FHIT: variants seen among roughly 807,000 people sequenced by gnomAD.
FHIT encodes the protein bis(5'-adenosyl)-triphosphatase.
FHIT carries 19 observed loss-of-function variants against 17.9 expected under a neutral mutation model. That is an observed-to-expected ratio of 1.06 (90% CI 0.74 to 1.56). FHIT has a LOEUF of 1.56. Among genes scored for constraint, FHIT ranks in the 40% most tolerant of loss-of-function variants. The pLI is 0.00. For synonymous variants in FHIT, 81 were observed against 69.7 expected (o/e 1.16, Z -0.81); for missense variants, 248 against 189.2 (o/e 1.31, Z -1.82).
intron 5 of FHIT, among the ~76,000 whole-genome samples, chr3:60,413,929 G>T (rs1173412217): frequency 6.6e-6 from 1 of 152,148 alleles, no homozygotes; most frequent in Non-Finnish European, 1.5e-5. Flanking sequence ...AATAGTTATG[G>T]TTTTAGCAAT....
chr3:60,370,450 A>G (rs909531191), intron 5 of FHIT, among the ~76,000 whole-genome samples: 1 of 152,174 alleles, frequency 6.6e-6, no homozygotes, highest in African/African-American at 2.4e-5. Flanking sequence ...TGCCCGTGTC[A>G]ACATTTCAAG....
rs1318400040 is a variant in FHIT at position 60,838,178 on chromosome 3, C to A, written c.-110-16167G>T. Among the ~76,000 whole-genome samples, 3 of 152,126 alleles carry A rather than the reference C, an allele frequency of 2.0e-5. No individual in the cohort carries two copies. The South Asian group carries it at 6.2e-4, about 32-fold the overall frequency. Reference sequence around the variant, plus strand: ...GTGCAGTGATGCAATTATGCAAATTCTTTTAGTTTTCCGGCTGGGCGTGGT... The same window carrying A: ...GTGCAGTGATGCAATTATGCAAATTATTTTAGTTTTCCGGCTGGGCGTGGT... On this transcript the variant is annotated intron_variant, in intron 3 of 9. Transcript: ENST00000492590.
At position 60,117,808 on chromosome 3, in the gene FHIT, A is replaced by G. The variant is rs949672457; in HGVS notation, c.104-103656T>C. On this transcript the variant is annotated intron_variant, in intron 5 of 9. Coordinates refer to ENST00000492590, the MANE Select transcript of FHIT (RefSeq NM_002012.4). ...TAGAGGCCACCAGTGAAAAGGAAAA[A>G]AAAATCCCCTGCTTCCTCTGTACAA... Among the ~76,000 whole-genome samples the G allele has an allele frequency of 2.0e-5, 3 of 152,018 alleles. No homozygotes were observed. In the East Asian group the frequency reaches 5.8e-4, roughly 29 times the overall value.
chr3:60,988,601 C>A (rs1484510959), intron 3 of FHIT, among the ~76,000 whole-genome samples: 1 of 151,988 alleles, frequency 6.6e-6, no homozygotes, highest in African/African-American at 2.4e-5. Context: ...ACGAGCAGCA[C>A]AGAAGGGGAA....
intron 5 of FHIT, among the ~76,000 whole-genome samples, chr3:60,418,973 G>T (rs2687188): frequency 7.2e-5 from 11 of 152,076 alleles, no homozygotes. Flanking sequence ...AAGCAATCTG[G>T]TTCTGCCTTT....
At chr3:60,595,008 T>G (rs2062748252) in intron 4 of FHIT, among the ~76,000 whole-genome samples, 1 of 152,228 alleles carries the variant, frequency 6.6e-6, no homozygotes, top group Admixed American at 6.5e-5. Flanking sequence ...CCTTGCTGTG[T>G]TCCTCACATG....
At chr3:60,130,997 ATATACATATG>A (rs145540088) in intron 5 of FHIT, among the ~76,000 whole-genome samples, 26,403 of 138,772 alleles carry the variant, frequency 0.19, 2,919 homozygotes, top group Admixed American at 0.28. Flanking sequence ...ATATACACAT[ATATACATATG>A]TGTATATATA....
chr3:60,753,324 C>G (rs568713191), intron 4 of FHIT, among the ~76,000 whole-genome samples: 2 of 152,312 alleles, frequency 1.3e-5, no homozygotes, highest in Admixed American at 1.3e-4. Flanking sequence ...CTTTTATTCT[C>G]TGGCAGAGCT....
intron 5 of FHIT, among the ~76,000 whole-genome samples, chr3:60,393,398 TATA>T (rs1262185863): frequency 6.7e-6 from 1 of 149,736 alleles, no homozygotes; most frequent in Non-Finnish European, 1.5e-5. Flanking sequence ...TAAAATTATT[TATA>T]ATGTTACATA....
At chr3:60,367,634 CATTAACTGCTTGTTTTTAAAA>C (rs1467663471) in intron 5 of FHIT, among the ~76,000 whole-genome samples, 1 of 152,110 alleles carries the variant, frequency 6.6e-6, no homozygotes, top group South Asian at 2.1e-4. Context: ...TATTTTAATT[CATTAACTGCTTGTTTTTAAAA>C]AATATCCAAT....
intron 5 of FHIT, among the ~76,000 whole-genome samples, chr3:60,384,539 C>T (rs895282804): frequency 5.3e-5 from 8 of 151,980 alleles, no homozygotes; most frequent in Non-Finnish European, 7.4e-5. Context: ...CAGTAGTTAA[C>T]CCCTGATAGT....
intron 4 of FHIT, among the ~76,000 whole-genome samples, chr3:60,572,705 C>T (rs1166423731): frequency 6.6e-6 from 1 of 152,086 alleles, no homozygotes; most frequent in African/African-American, 2.4e-5. Flanking sequence ...ATATATGGTC[C>T]ATTGATGGAA....
At chr3:60,763,257 T>G (rs1699723199) in intron 4 of FHIT, among the ~76,000 whole-genome samples, 1 of 152,216 alleles carries the variant, frequency 6.6e-6, no homozygotes, top group Non-Finnish European at 1.5e-5. Flanking sequence ...GTGGGCTCAC[T>G]GTCAATTCAC....
chr3:60,409,683 A>G (rs888414956), intron 5 of FHIT, among the ~76,000 whole-genome samples: 7 of 152,330 alleles, frequency 4.6e-5, no homozygotes, highest in South Asian at 2.1e-4. Flanking sequence ...TAATACATCT[A>G]AAGTCATACT....
chr3:60,750,056 A>G lies in FHIT; in HGVS notation c.-18+71863T>C, dbSNP rs34897753. ...ATCTTGTCAAAGCCATATAACTAGTAGACAACAGAGATGGGATCAAAGGCA... is the reference window on the plus strand; with the variant it reads ...ATCTTGTCAAAGCCATATAACTAGTGGACAACAGAGATGGGATCAAAGGCA... On this transcript the variant is annotated intron_variant, in intron 4 of 9. Transcript: ENST00000492590. Among the ~76,000 whole-genome samples the G allele has an allele frequency of 8.8e-3, 1,347 of 152,300 alleles. 9 individuals are homozygous for G. Among genetic ancestry groups the G allele is most frequent in the Middle Eastern group, 0.017 (5 of 294 alleles).
chr3:60,278,252 A>T (rs1459738706), intron 5 of FHIT, among the ~76,000 whole-genome samples: 1 of 152,154 alleles, frequency 6.6e-6, no homozygotes, highest in African/African-American at 2.4e-5. Context: ...AATCTCAGGG[A>T]AGAGAAAAAG....
intron 2 of FHIT, among the ~76,000 whole-genome samples, chr3:61,069,121 C>G (rs887211240): frequency 7.9e-5 from 12 of 152,006 alleles, no homozygotes; most frequent in Non-Finnish European, 1.6e-4. Flanking sequence ...TCCCTGAAGG[C>G]CTTTAAAATA....
intron 5 of FHIT, among the ~76,000 whole-genome samples, chr3:60,093,484 A>G (rs555639690): frequency 7.9e-5 from 12 of 152,270 alleles, no homozygotes; most frequent in African/African-American, 1.2e-4. Context: ...TTCCATCTGC[A>G]ACCTTAATTC....
chr3:60,170,425 G>A (rs1354743892), intron 5 of FHIT, among the ~76,000 whole-genome samples: 1 of 152,102 alleles, frequency 6.6e-6, no homozygotes, highest in African/African-American at 2.4e-5. Context: ...ACTTTGACAT[G>A]CATTCTTATC....
Sources: gnomAD v4.1 joint callset for allele counts (sites outside exome capture counted in the v4.1 genomes callset) on GRCh38, gnomAD v4.1.1 for gene constraint, MANE v1.5 for transcripts, NCBI Gene and HGNC (gene_info 2026-07-23, HGNC 2026-07-21) for gene names.